The following PPP2R2A variants were observed in gnomAD, a reference collection of about 807,000 sequenced individuals.
The protein encoded by PPP2R2A is serine/threonine-protein phosphatase 2A 55 kDa regulatory subunit B alpha isoform.
Under a neutral mutation model 53.2 loss-of-function variants are expected in PPP2R2A, and 9 were observed. That is an observed-to-expected ratio of 0.17 (90% CI 0.10 to 0.30). The LOEUF (loss-of-function observed/expected upper bound fraction) is 0.30, where lower values mean the gene tolerates loss of function less well. Ranked by LOEUF, PPP2R2A falls within the 10% of genes least tolerant of loss-of-function variation. The pLI is 1.00. For missense variants in PPP2R2A, 235 were observed against 534.6 expected (o/e 0.44, Z 5.53); for synonymous variants, 169 against 174.2 (o/e 0.97, Z 0.23).
At chr8:26,305,882 A>AT (rs1490211658) in intron 2 of PPP2R2A, among the ~76,000 whole-genome samples, 2 of 152,192 alleles carry the variant, frequency 1.3e-5, no homozygotes, top group East Asian at 3.9e-4. Flanking sequence ...AAAAAATCCC[A>AT]TATTGCAGGT....
intron 2 of PPP2R2A, among the ~76,000 whole-genome samples, chr8:26,305,311 A>T (rs2117214060): frequency 6.6e-6 from 1 of 152,076 alleles, no homozygotes; most frequent in East Asian, 1.9e-4. Context: ...TCATTCTTTG[A>T]TGGGCATTTT....
At chr8:26,318,691 T>C (rs895121605) in intron 2 of PPP2R2A, among the ~76,000 whole-genome samples, 5 of 152,348 alleles carry the variant, frequency 3.3e-5, no homozygotes, top group African/African-American at 9.6e-5. Context: ...TTATGTCTTT[T>C]GGCTCTCACA....
chr8:26,334,794 T>C (rs1459534066), intron 2 of PPP2R2A, among the ~76,000 whole-genome samples: 1 of 152,092 alleles, frequency 6.6e-6, no homozygotes, highest in Non-Finnish European at 1.5e-5. Context: ...CACTCTGTAA[T>C]GTTTTAGACC....
At position 26,354,688 on chromosome 8, in the gene PPP2R2A, T is replaced by C. The variant is rs1804682264; in HGVS notation, c.346+55T>C. ...CCACTGTGTGTACCTGTTGCACATA[T>C]CCTGTAGCCTAGGAGAGGAATCATT... On this transcript the variant is annotated intron_variant, in intron 4 of 9. Coordinates refer to ENST00000380737, the MANE Select transcript of PPP2R2A (RefSeq NM_002717.4). This position sits in a 1 kb window ranked among gnomAD's most constrained non-coding sequence, Gnocchi z 4.6. The C allele has an allele frequency of 7.4e-7, 1 of 1,347,468 alleles. No individual in the cohort carries two copies. The highest frequency in any genetic ancestry group is 9.8e-7 in the Non-Finnish European group (1 of 1,023,360). The allele number at this position is 1,347,468 out of a possible 1,614,324, so 83.5% of individuals were successfully genotyped here. A position where few individuals can be genotyped will look rare whatever the true frequency, so the allele number is the denominator to read the frequency against.
chr8:26,297,513 A>G (rs1399193260), intron 2 of PPP2R2A, among the ~76,000 whole-genome samples: 1 of 152,224 alleles, frequency 6.6e-6, no homozygotes, highest in African/African-American at 2.4e-5. Context: ...AATATATTTT[A>G]CATTTTTAAT....
At chr8:26,325,516 G>A (rs2117280576) in intron 2 of PPP2R2A, among the ~76,000 whole-genome samples, 1 of 152,220 alleles carries the variant, frequency 6.6e-6, no homozygotes, top group South Asian at 2.1e-4. Context: ...TGTATTCCCT[G>A]TTTAGATGCT....
rs142191067 is a variant in PPP2R2A, at chr8:26,353,602, T to C, written c.181-866T>C. 1.9e-3 allele frequency among the ~76,000 whole-genome samples: 291 copies of C among 152,348 alleles called. 2 individuals carry two copies. The highest frequency in any genetic ancestry group is 6.6e-3 in the African/African-American group (275 of 41,578). On this transcript the variant is annotated intron_variant, in intron 3 of 9. Transcript: ENST00000380737. The stretch of plus-strand genomic sequence containing the variant: ...ACTTTCAAATTTTTTTATGAAAATG[T>C]TTTTAATCGTGTGATAATAGGTCAA...
intron 3 of PPP2R2A, among the ~76,000 whole-genome samples, chr8:26,348,991 G>T (rs1426352262): frequency 2.0e-5 from 3 of 151,930 alleles, no homozygotes; most frequent in Non-Finnish European, 4.4e-5. Context: ...CCCAGTCAGG[G>T]AGATGAAGAG....
At chr8:26,335,028 A>T (rs909721655) in intron 2 of PPP2R2A, among the ~76,000 whole-genome samples, 2 of 152,128 alleles carry the variant, frequency 1.3e-5, no homozygotes, top group Non-Finnish European at 2.9e-5. Flanking sequence ...GCACACTGGG[A>T]TACACAGCCG....
At chr8:26,343,734 A>G (rs974108562) in intron 3 of PPP2R2A, among the ~76,000 whole-genome samples, 3 of 152,184 alleles carry the variant, frequency 2.0e-5, no homozygotes, top group Admixed American at 2.0e-4. Flanking sequence ...TAATTTACCA[A>G]AATATTCATA....
At chr8:26,368,293 C>CCTTTGTATGTAAGTATTA (rs1448135906) in intron 9 of PPP2R2A, among the ~76,000 whole-genome samples, 9 of 152,138 alleles carry the variant, frequency 5.9e-5, no homozygotes, top group Non-Finnish European at 1.3e-4. Flanking sequence ...CAGTAGGTGA[C>CCTTTGTATGTAAGTATTA]CTTTGTATGT....
chr8:26,358,319 CACAAATACTTTGCAAGTATTTAGA>C (rs1210657131), intron 4 of PPP2R2A, among the ~76,000 whole-genome samples: 1 of 152,244 alleles, frequency 6.6e-6, no homozygotes, highest in Admixed American at 6.5e-5. Context: ...TCATCCTCAT[CACAAATACTTTGCAAGTATTTAGA>C]ACAAATACTT....
intron 2 of PPP2R2A, among the ~76,000 whole-genome samples, chr8:26,322,579 T>C (rs958586071): frequency 6.6e-6 from 1 of 151,750 alleles, no homozygotes; most frequent in Admixed American, 6.6e-5. Flanking sequence ...AGTATATCAC[T>C]CGACTACTTG....
chr8:26,341,305 T>C (rs1453385543), intron 3 of PPP2R2A, among the ~76,000 whole-genome samples: 1 of 152,220 alleles, frequency 6.6e-6, no homozygotes, highest in African/African-American at 2.4e-5. Flanking sequence ...CAGTATTGTC[T>C]TCAGAATCTA....
chr8:26,351,982 A>G (rs1804543899), intron 3 of PPP2R2A, among the ~76,000 whole-genome samples: 1 of 152,204 alleles, frequency 6.6e-6, no homozygotes, highest in Admixed American at 6.5e-5. Context: ...TATATGTGCC[A>G]AGTACTGTTA....
intron 1 of PPP2R2A, 113 bp from the exon 2 acceptor site, chr8:26,293,553 G>C: frequency 1.0e-6 from 1 of 985,122 alleles, no homozygotes. Flanking sequence ...GTAGTTGTAT[G>C]TGTGGGCAGA....
At position 26,360,242 on chromosome 8, in the gene PPP2R2A, T is replaced by C; in HGVS notation, c.420T>C (p.Asp140=). The C allele has an allele frequency of 6.2e-7, 1 of 1,610,142 alleles. No homozygotes were observed. Residue 140 remains aspartate (D), a synonymous_variant, in exon 5 of 10, where the codon GAT becomes GAC. Transcript: ENST00000380737. The surrounding 1 kb of genome is among the most constrained non-coding windows in gnomAD (Gnocchi z 4.5). ...RPEGYNLKEE[D]GRYRDPTTVT... ...AAGGGTATAACTTGAAAGAGGAGGA[T>C]GGAAGGTATAGAGATCCTACTACAG...
intron 3 of PPP2R2A, among the ~76,000 whole-genome samples, chr8:26,342,010 T>C (rs1803968008): frequency 6.6e-6 from 1 of 152,216 alleles, no homozygotes. Context: ...ATAAAGAAAC[T>C]GAGTAGCCAA....
intron 2 of PPP2R2A, among the ~76,000 whole-genome samples, chr8:26,336,727 A>T (rs1803680553): frequency 6.6e-6 from 1 of 152,102 alleles, no homozygotes; most frequent in Admixed American, 6.5e-5. Context: ...AAAATTTTTT[A>T]AAAATTAGCC....
Sources: allele counts gnomAD v4.1 joint callset (sites outside exome capture counted in the v4.1 genomes callset), GRCh38; gene constraint gnomAD v4.1.1; non-coding constraint Gnocchi (gnomAD v3.1); transcripts MANE v1.5; gene names NCBI Gene and HGNC (gene_info 2026-07-23, HGNC 2026-07-21).